Variants in TTLL9 observed in about 807,000 individuals in gnomAD.
TTLL9 encodes the protein probable tubulin polyglutamylase TTLL9.
Under a neutral mutation model 65.6 loss-of-function variants are expected in TTLL9, and 47 were observed. The ratio of observed to expected loss-of-function variants is 0.72; its 90% CI spans 0.57 to 0.91. The LOEUF (loss-of-function observed/expected upper bound fraction) is 0.91, where lower values mean the gene tolerates loss of function less well. TTLL9 is among the 40% of genes least tolerant of loss of function. The pLI is 0.00. For missense variants in TTLL9, 537 were observed against 568.8 expected, an observed-to-expected ratio of 0.94 and a Z score of 0.57; for synonymous variants, 179 against 204.8, an observed-to-expected ratio of 0.87 and a Z score of 1.07.
Position 31,943,171 on chromosome 20 carries a change from C to A in TTLL9, c.*150C>A. 1.4e-6 allele frequency: 1 copy of A among 720,970 alleles called. No individual in the cohort carries two copies. The highest frequency in any genetic ancestry group is 2.4e-6 in the Non-Finnish European group (1 of 416,556). The allele number at this position is 720,970 out of a possible 1,614,324, so 44.7% of individuals were successfully genotyped here. ...TGGCTTAGCAGCTGCAGCTTACTAC[C>A]TGAATTGGGCCCCTTGGATACCTCC... On this transcript the variant is annotated 3_prime_UTR_variant, in exon 15 of 15. Transcript: ENST00000535842.
intron 4 of TTLL9, among the ~76,000 whole-genome samples, chr20:31,900,970 C>T (rs1158909957): frequency 6.6e-6 from 1 of 152,162 alleles, no homozygotes; most frequent in Non-Finnish European, 1.5e-5. Context: ...TCTCAAGAAT[C>T]CTTAAATCAG....
rs551927999 is a variant in TTLL9 at position 31,879,854 on chromosome 20, T to C, written c.70-7342T>C. On this transcript the variant is annotated intron_variant, in intron 2 of 14. Coordinates refer to ENST00000535842, the MANE Select transcript of TTLL9 (RefSeq NM_001008409.5). ...AAGCACGCGAGGCGCGCGGTGGCGG[T>C]TTGGATCTGGCCCCTGGGGAATCGC... 5 of 1,549,948 alleles carry C rather than the reference T, an allele frequency of 3.2e-6. No individual in the cohort carries two copies. In the African/African-American group the frequency reaches 6.8e-5, roughly 21 times the overall value.
intron 2 of TTLL9, among the ~76,000 whole-genome samples, chr20:31,871,864 T>C (rs2062938373): frequency 6.6e-6 from 1 of 152,216 alleles, no homozygotes; most frequent in Non-Finnish European, 1.5e-5. Context: ...ATTTAAAAAG[T>C]AGAAACAAGT....
In TTLL9 at chr20:31,883,200, C is replaced by CT. The variant is rs776036423; in HGVS notation, c.70-3979dup. Among the ~76,000 whole-genome samples, 369 of 140,064 alleles carry CT rather than the reference C, an allele frequency of 2.6e-3. 1 individual carries two copies. The highest frequency in any genetic ancestry group is 7.3e-3 in the Middle Eastern group (2 of 274). 91.9% of individuals were successfully genotyped at this position (140,064 alleles called of 152,430 possible). On this transcript the variant is annotated intron_variant, in intron 2 of 14. Coordinates refer to ENST00000535842, the MANE Select transcript of TTLL9 (RefSeq NM_001008409.5). ...AAAACCTTTCTCCTGAGAATTCTTT[C>CT]TTTTTTTTTTTTTTTTTGAAACAGA... is the stretch of plus-strand genomic sequence containing the variant.
chr20:31,942,177 C>T (rs771350646), intron 14 of TTLL9, among the ~76,000 whole-genome samples: 5 of 152,168 alleles, frequency 3.3e-5, no homozygotes, highest in Non-Finnish European at 7.3e-5. Context: ...CAGGTCAGAA[C>T]TAGTGGCCAC....
chr20:31,880,580 C>T (rs2063103495), intron 2 of TTLL9, among the ~76,000 whole-genome samples: 1 of 151,656 alleles, frequency 6.6e-6, no homozygotes, highest in Non-Finnish European at 1.5e-5. Context: ...GCAGCCTCTG[C>T]CTCCCGGGTT....
intron 2 of TTLL9, among the ~76,000 whole-genome samples, chr20:31,877,765 A>G (rs1361710108): frequency 6.6e-6 from 1 of 152,160 alleles, no homozygotes; most frequent in Non-Finnish European, 1.5e-5. Context: ...TTGGCTTGGT[A>G]GGCAGAGAAG....
intron 4 of TTLL9, among the ~76,000 whole-genome samples, chr20:31,900,526 A>C (rs974402779): frequency 6.6e-6 from 1 of 152,192 alleles, no homozygotes; most frequent in Non-Finnish European, 1.5e-5. Flanking sequence ...CATCCCATGA[A>C]AAATTAGGAG....
intron 4 of TTLL9, among the ~76,000 whole-genome samples, chr20:31,907,755 T>C (rs752109631): frequency 6.6e-6 from 1 of 150,616 alleles, no homozygotes; most frequent in Non-Finnish European, 1.5e-5. Context: ...TGCATAGAAA[T>C]GATAACACAC....
intron 3 of TTLL9, among the ~76,000 whole-genome samples, chr20:31,889,381 CTTCTGAGT>C (rs2063248301): frequency 6.6e-6 from 1 of 151,918 alleles, no homozygotes; most frequent in African/African-American, 2.4e-5. Flanking sequence ...CCATCTCAGC[CTTCTGAGT>C]AGCTGGGACT....
At chr20:31,887,273 G>A (rs756494954) in intron 3 of TTLL9, 34 bp downstream of exon 3, 90 of 1,611,576 alleles carry the variant, frequency 5.6e-5, no homozygotes, top group Middle Eastern at 1.6e-4. Flanking sequence ...CAATCACAGC[G>A]CAACCAACTT....
rs964864527 is a variant in TTLL9 at position 31,908,710 on chromosome 20, G to A, written c.318+8G>A. 1.2e-6 allele frequency: 2 copies of A among 1,610,484 alleles called. No homozygotes were observed. The highest frequency in any genetic ancestry group is 2.7e-5 in the African/African-American group (2 of 74,972). On this transcript the variant is annotated splice_region_variant and intron_variant, in intron 5 of 14. Coordinates refer to ENST00000535842, the MANE Select transcript of TTLL9 (RefSeq NM_001008409.5). ...TTCCGGAACCACTATGAGGTGAGCT[G>A]GGCAGGCGGGAGGGACTGTGCCAAC...
chr20:31,886,817 TCAA>T lies in TTLL9; in HGVS notation c.70-360_70-358del, dbSNP rs763813395. On this transcript the variant is annotated intron_variant, in intron 2 of 14. Coordinates refer to ENST00000535842, the MANE Select transcript of TTLL9 (RefSeq NM_001008409.5). The stretch of plus-strand genomic sequence containing the variant: ...CTGGGTGACAGAGCGAGACTCCATC[TCAA>T]CAACAACAACAACAACAAAAGCTCA... Among the ~76,000 whole-genome samples, 5 of 152,100 alleles carry T rather than the reference TCAA, an allele frequency of 3.3e-5. No homozygotes were observed. The East Asian group carries it at 5.8e-4, about 18-fold the overall frequency.
intron 4 of TTLL9, among the ~76,000 whole-genome samples, chr20:31,904,943 C>A (rs1446488358): frequency 1.3e-5 from 2 of 152,184 alleles, no homozygotes; most frequent in African/African-American, 4.8e-5. Flanking sequence ...GTGCTCCTTG[C>A]ACTGTGTGAC....
At chr20:31,910,748 A>G (rs2063634620) in intron 6 of TTLL9, among the ~76,000 whole-genome samples, 1 of 152,240 alleles carries the variant, frequency 6.6e-6, no homozygotes. Context: ...AATCAGAATT[A>G]GTATTGAGCT....
chr20:31,898,427 G>C (rs774551794), intron 3 of TTLL9, 46 bp from the exon 4 acceptor site: 1 of 1,575,984 alleles, frequency 6.3e-7, no homozygotes, highest in Non-Finnish European at 8.7e-7. Context: ...CGCCATCCTA[G>C]GAAAATCATT....
Position 31,870,924 on chromosome 20 carries a change from T to C in TTLL9, c.-31T>C. The C allele has an allele frequency of 3.2e-6, 2 of 617,614 alleles. No individual in the cohort carries two copies. The highest frequency in any genetic ancestry group is 5.8e-6 in the Non-Finnish European group (2 of 343,650). 38.3% of individuals were successfully genotyped at this position (617,614 alleles called of 1,614,324 possible). A position where few individuals can be genotyped will look rare whatever the true frequency, so the allele number is the denominator to read the frequency against. On this transcript the variant is annotated 5_prime_UTR_variant, in exon 1 of 15. Coordinates refer to ENST00000535842, the MANE Select transcript of TTLL9 (RefSeq NM_001008409.5). The surrounding 1 kb of genome is among the most constrained non-coding windows in gnomAD (Gnocchi z 6.6). ...TTTGATCGCCGAGGGCTCTCTGCTC[T>C]TCAGAGTCTGCTTGGAACGGGATAA...
intron 4 of TTLL9, among the ~76,000 whole-genome samples, chr20:31,905,449 C>A (rs142290045): frequency 6.6e-6 from 1 of 152,320 alleles, no homozygotes; most frequent in East Asian, 1.9e-4. Flanking sequence ...GCCTGGGGCA[C>A]AGCCACAAGG....
intron 3 of TTLL9, among the ~76,000 whole-genome samples, chr20:31,896,909 A>G (rs1446275456): frequency 1.3e-5 from 2 of 152,072 alleles, no homozygotes; most frequent in South Asian, 2.1e-4. Flanking sequence ...AGTCCTTTTT[A>G]TATATTGCTG....
Sources: allele counts gnomAD v4.1 joint callset (sites outside exome capture counted in the v4.1 genomes callset), GRCh38; gene constraint gnomAD v4.1.1; non-coding constraint Gnocchi (gnomAD v3.1); transcripts MANE v1.5; gene names NCBI Gene and HGNC (gene_info 2026-07-23, HGNC 2026-07-21).